Variants in OCA2 observed in about 807,000 individuals in gnomAD.
OCA2 encodes the protein OCA2 melanosomal transmembrane protein.
OCA2 carries 77 observed loss-of-function variants against 100.2 expected under a neutral mutation model. The observed-to-expected ratio is 0.77, with a 90% CI of 0.64 to 0.93. The LOEUF is 0.93. OCA2 is among the 40% of genes least tolerant of loss of function. OCA2 has a pLI of 0.00. For synonymous variants in OCA2, 432 were observed against 439.2 expected (o/e 0.98, Z 0.21); for missense variants, 1,062 against 1,089.1 (o/e 0.98, Z 0.35).
chr15:27,986,977 C>T (rs920506074), intron 11 of OCA2, among the ~76,000 whole-genome samples: 22 of 152,204 alleles, frequency 1.4e-4, no homozygotes, highest in Admixed American at 1.3e-3. Context: ...GATCAGAGTG[C>T]GAGGTGGGTT....
intron 22 of OCA2, among the ~76,000 whole-genome samples, chr15:27,848,074 G>C (rs1230729071): frequency 6.6e-6 from 1 of 152,074 alleles, no homozygotes; most frequent in African/African-American, 2.4e-5. Context: ...TATGTTTTCT[G>C]AGGTTTGGTC....
intron 2 of OCA2, among the ~76,000 whole-genome samples, chr15:28,048,934 A>G (rs1270002577): frequency 6.6e-6 from 1 of 152,166 alleles, no homozygotes; most frequent in Non-Finnish European, 1.5e-5. Context: ...CCCGGGAGAC[A>G]GAGATTGCAG....
the OCA2 span, among the ~76,000 whole-genome samples, chr15:27,741,248 T>C: frequency 6.6e-6 from 1 of 152,162 alleles, no homozygotes; most frequent in African/African-American, 2.4e-5. Flanking sequence ...AAGATTCCTA[T>C]TGTCAAATTA....
intron 23 of OCA2, among the ~76,000 whole-genome samples, chr15:27,767,060 CT>C (rs2031321052): frequency 6.6e-6 from 1 of 151,922 alleles, no homozygotes; most frequent in Admixed American, 6.6e-5. Flanking sequence ...TACATGGCTT[CT>C]CCCTTTTCTA....
intron 9 of OCA2, among the ~76,000 whole-genome samples, chr15:27,994,100 C>A (rs1230165036): frequency 6.6e-6 from 1 of 152,174 alleles, no homozygotes; most frequent in East Asian, 1.9e-4. Context: ...ACCCTCCTAA[C>A]CCTGCCACGG....
At chr15:27,983,621 GCTGGGGGGAATGAA>G in intron 13 of OCA2, 138 bp from the exon 14 acceptor site, 1 of 919,880 alleles carries the variant, frequency 1.1e-6, no homozygotes, top group Non-Finnish European at 1.7e-6. Context: ...GGAAGGCAGT[GCTGGGGGGAATGAA>G]CAACTGCAAC....
At chr15:27,824,646 T>C in intron 23 of OCA2, among the ~76,000 whole-genome samples, 1 of 103,364 alleles carries the variant, frequency 9.7e-6, no homozygotes, top group Non-Finnish European at 1.9e-5. Context: ...ATGTAAAAAA[T>C]TAGGTTGTCA....
rs140971922 is a variant in OCA2 at position 27,921,122 on chromosome 15, G to A, written c.2079+5005C>T. Among the ~76,000 whole-genome samples the A allele has an allele frequency of 1.3e-3, 191 of 151,342 alleles. 1 individual carries two copies. The highest frequency in any genetic ancestry group is 4.1e-3 in the African/African-American group (169 of 41,226). The stretch of plus-strand genomic sequence containing the variant: ...GTTAAAACTTTCAAAAAACATACAC[G>A]TAAGTAGGAGAAACACAAAAAGATC... On this transcript the variant is annotated intron_variant, in intron 19 of 23. Coordinates refer to ENST00000354638, the MANE Select transcript of OCA2 (RefSeq NM_000275.3).
chr15:27,937,117 C>G (rs2039483366), intron 18 of OCA2, among the ~76,000 whole-genome samples: 1 of 152,164 alleles, frequency 6.6e-6, no homozygotes, highest in Non-Finnish European at 1.5e-5. Flanking sequence ...CAGGCTCTGC[C>G]CTTCACAACC....
At chr15:28,014,429 A>G (rs1030843244) in intron 9 of OCA2, among the ~76,000 whole-genome samples, 3 of 152,194 alleles carry the variant, frequency 2.0e-5, no homozygotes, top group Non-Finnish European at 2.9e-5. Context: ...CCCATCACAC[A>G]GGTGCAGACT....
At chr15:27,914,288 T>C (rs2038580676) in intron 19 of OCA2, among the ~76,000 whole-genome samples, 1 of 152,118 alleles carries the variant, frequency 6.6e-6, no homozygotes, top group Non-Finnish European at 1.5e-5. Context: ...ACCATTCCCT[T>C]TGAGAACTGG....
intron 23 of OCA2, among the ~76,000 whole-genome samples, chr15:27,769,733 G>A (rs1471963988): frequency 6.6e-6 from 1 of 152,260 alleles, no homozygotes; most frequent in Admixed American, 6.5e-5. Context: ...GGTAACACAT[G>A]ATTCTGAGCA....
intron 10 of OCA2, among the ~76,000 whole-genome samples, chr15:27,990,358 A>G (rs1169384103): frequency 3.9e-5 from 6 of 152,256 alleles, no homozygotes; most frequent in Admixed American, 3.9e-4. Flanking sequence ...ACGATGAGGA[A>G]TCACACCACT....
At chr15:27,874,320 T>C (rs780546480) in intron 19 of OCA2, among the ~76,000 whole-genome samples, 1 of 152,180 alleles carries the variant, frequency 6.6e-6, no homozygotes, top group Non-Finnish European at 1.5e-5. Flanking sequence ...GATCAAGCAC[T>C]GAAGTCAGAG....
At chr15:27,730,408 A>G in the OCA2 span, among the ~76,000 whole-genome samples, 1 of 152,214 alleles carries the variant, frequency 6.6e-6, no homozygotes, top group East Asian at 1.9e-4. Context: ...AGGTGTGCCA[A>G]TGTGCATACC....
chr15:27,732,037 A>G, the OCA2 span, among the ~76,000 whole-genome samples: 1 of 152,226 alleles, frequency 6.6e-6, no homozygotes, highest in African/African-American at 2.4e-5. Flanking sequence ...CCCTTGAAGT[A>G]GAGTGAGTAG....
chr15:28,051,649 C>CCAGGCTGGAGTGTAGTGGCTAT (rs1389774746), intron 2 of OCA2, among the ~76,000 whole-genome samples: 2 of 142,240 alleles, frequency 1.4e-5, no homozygotes, highest in African/African-American at 5.4e-5. Flanking sequence ...ACTAGGCTGC[C>CCAGGCTGGAGTGTAGTGGCTAT]CAGGCTGGAG....
chr15:27,982,493 TGTTGCC>T (rs1276940112), intron 14 of OCA2, among the ~76,000 whole-genome samples: 1 of 152,116 alleles, frequency 6.6e-6, no homozygotes, highest in Non-Finnish European at 1.5e-5. Flanking sequence ...GTTGGTGAAG[TGTTGCC>T]AAGCAGTTTC....
chr15:27,772,850 AAAAAGG>A (rs1005993137), intron 23 of OCA2, among the ~76,000 whole-genome samples: 11 of 151,714 alleles, frequency 7.3e-5, no homozygotes, highest in African/African-American at 1.5e-4. Context: ...CAAAAAAAAA[AAAAAGG>A]AAAAAAAGAA....
Sources: allele counts gnomAD v4.1 joint callset (sites outside exome capture counted in the v4.1 genomes callset), GRCh38; gene constraint gnomAD v4.1.1; transcripts MANE v1.5; gene names NCBI Gene and HGNC (gene_info 2026-07-23, HGNC 2026-07-21).